Variants in HIRA observed in about 807,000 individuals in gnomAD.
HIRA encodes the protein histone cell cycle regulator.
In HIRA, 13 loss-of-function variants were observed where a neutral mutation model predicts 126.6. The ratio of observed to expected loss-of-function variants is 0.10; its 90% CI spans 0.07 to 0.16. The LOEUF (loss-of-function observed/expected upper bound fraction) is 0.16. Ranked by LOEUF, HIRA falls within the 10% of genes least tolerant of loss-of-function variation. HIRA has a pLI of 1.00. For missense variants in HIRA, 834 were observed against 1,314.4 expected (o/e 0.63, Z 5.65); for synonymous variants, 511 against 520.0 (o/e 0.98, Z 0.24).
At position 19,356,935 on chromosome 22, in the gene HIRA, C is replaced by G. The variant is rs782605496; in HGVS notation, c.2351G>C (p.Gly784Ala). Residue 784 changes from glycine (G) to alanine (A), a missense_variant, in exon 19 of 25, where the codon GGC becomes GCC. By Grantham distance (60) the Gly-to-Ala change is moderately conservative (BLOSUM62 0). Coordinates refer to ENST00000263208, the MANE Select transcript of HIRA (RefSeq NM_003325.4). ...PSPISTLHCT[G>A]SYVMALTAAA... ...AGCGGTGAGCGCCATGACGTAGGAG[C>G]CTGTGCAATGCAAAGTAGAGATCGG... The G allele has an allele frequency of 2.5e-6, 4 of 1,613,856 alleles. No individual in the cohort carries two copies. In the South Asian group the frequency reaches 3.3e-5, roughly 13 times the overall value.
chr22:19,365,927 G>C (rs1216060976), intron 15 of HIRA: 1 of 152,268 alleles, frequency 6.6e-6, no homozygotes, highest in Non-Finnish European at 1.5e-5. Context: ...CTAAGGAGAG[G>C]TGAACTGCCC....
At chr22:19,332,065 C>T (rs1437596516) in intron 24 of HIRA, among the ~76,000 whole-genome samples, 1 of 152,214 alleles carries the variant, frequency 6.6e-6, no homozygotes, top group Non-Finnish European at 1.5e-5. Context: ...GCTGACCAAA[C>T]TATGCTTAGT....
At chr22:19,341,137 G>C (rs1411384837) in intron 24 of HIRA, among the ~76,000 whole-genome samples, 1 of 151,770 alleles carries the variant, frequency 6.6e-6, no homozygotes, top group East Asian at 1.9e-4. Flanking sequence ...GCAACATGGC[G>C]AAACTCTGTC....
intron 1 of HIRA, among the ~76,000 whole-genome samples, chr22:19,418,586 C>T (rs1187250084): frequency 2.4e-5 from 2 of 83,838 alleles, no homozygotes; most frequent in African/African-American, 5.4e-5. Context: ...GAGCCGAGAT[C>T]GCGCCTGTTC....
chr22:19,405,150 C>T (rs934599230), intron 5 of HIRA, among the ~76,000 whole-genome samples: 1 of 152,174 alleles, frequency 6.6e-6, no homozygotes, highest in African/African-American at 2.4e-5. Context: ...GGTGAAATGC[C>T]TCCAAATCCC....
At chr22:19,404,877 C>A (rs1340659428) in intron 5 of HIRA, among the ~76,000 whole-genome samples, 1 of 152,150 alleles carries the variant, frequency 6.6e-6, no homozygotes, top group African/African-American at 2.4e-5. Flanking sequence ...CCAAATCAAT[C>A]TCCTCTTCTC....
chr22:19,368,331 T>C (rs1462961540), intron 15 of HIRA, among the ~76,000 whole-genome samples: 1 of 152,210 alleles, frequency 6.6e-6, no homozygotes, highest in Non-Finnish European at 1.5e-5. Flanking sequence ...TCTGTTCCCC[T>C]TTCTTCTAAT....
intron 6 of HIRA, among the ~76,000 whole-genome samples, chr22:19,397,248 T>C (rs1046643474): frequency 6.6e-6 from 1 of 152,212 alleles, no homozygotes; most frequent in Non-Finnish European, 1.5e-5. Flanking sequence ...ACTTCTGACG[T>C]TAGCCTCCCT....
At chr22:19,372,447 T>C (rs2088975020) in intron 15 of HIRA, among the ~76,000 whole-genome samples, 1 of 152,240 alleles carries the variant, frequency 6.6e-6, no homozygotes, top group South Asian at 2.1e-4. Flanking sequence ...TATTGTTGAA[T>C]TGTAAAAGTT....
intron 1 of HIRA, among the ~76,000 whole-genome samples, chr22:19,414,537 A>G (rs1440035164): frequency 6.6e-6 from 1 of 152,196 alleles, no homozygotes; most frequent in Non-Finnish European, 1.5e-5. Flanking sequence ...TGACTGGAAC[A>G]CATGTGCATA....
intron 1 of HIRA, among the ~76,000 whole-genome samples, chr22:19,411,019 T>G (rs566745278): frequency 3.3e-4 from 50 of 152,340 alleles, no homozygotes; most frequent in African/African-American, 1.2e-3. Context: ...GAGCTGTTCA[T>G]GATTGAAGTT....
chr22:19,359,195 G>A, intron 18 of HIRA, 141 bp downstream of exon 18: 2 of 824,118 alleles, frequency 2.4e-6, no homozygotes, highest in African/African-American at 1.8e-5. Context: ...CATATGCTTG[G>A]CCTGGAGTGA....
intron 5 of HIRA, among the ~76,000 whole-genome samples, chr22:19,402,131 C>T (rs2089273904): frequency 6.6e-6 from 1 of 152,238 alleles, no homozygotes; most frequent in South Asian, 2.1e-4. Context: ...CAGGACTCTG[C>T]CTTCTAGGCT....
At chr22:19,388,754 G>T (rs2089150265) in intron 9 of HIRA, among the ~76,000 whole-genome samples, 200 bp from the exon 10 acceptor site, 1 of 152,220 alleles carries the variant, frequency 6.6e-6, no homozygotes, top group South Asian at 2.1e-4. Flanking sequence ...ATGCTACCTA[G>T]AGTGGACCCT....
chr22:19,333,280 A>C (rs1236560761), intron 24 of HIRA, among the ~76,000 whole-genome samples: 4 of 152,236 alleles, frequency 2.6e-5, no homozygotes, highest in African/African-American at 9.6e-5. Flanking sequence ...GAAAGCTTAA[A>C]GAAATAATAT....
chr22:19,374,391 G>C (rs144256930), intron 15 of HIRA, among the ~76,000 whole-genome samples: 1 of 152,096 alleles, frequency 6.6e-6, no homozygotes, highest in Admixed American at 6.5e-5. Context: ...GGCCTCAAGC[G>C]ATCCTCCTGT....
At position 19,370,723 on chromosome 22, in the gene HIRA, C is replaced by T. The variant is rs141043629; in HGVS notation, c.1775+4908G>A. On this transcript the variant is annotated intron_variant, in intron 15 of 24. Coordinates refer to ENST00000263208, the MANE Select transcript of HIRA (RefSeq NM_003325.4). ...TCCAACCCAACCTGAGAATTCAGCA[C>T]CAGGCTCCTAGAAGCTCACTATACT... Among the ~76,000 whole-genome samples the T allele has an allele frequency of 2.7e-3, 411 of 152,326 alleles. 1 individual carries two copies. Among genetic ancestry groups the T allele is most frequent in the Non-Finnish European group, 3.6e-3 (248 of 68,032 alleles).
intron 21 of HIRA, 40 bp from the exon 22 acceptor site, chr22:19,354,158 A>G: frequency 1.3e-6 from 2 of 1,599,438 alleles, no homozygotes; most frequent in Non-Finnish European, 8.5e-7. Context: ...AGGAAAACCA[A>G]GAGATCTGGT....
At chr22:19,389,956 C>A (rs1447527414) in intron 9 of HIRA, among the ~76,000 whole-genome samples, 1 of 151,726 alleles carries the variant, frequency 6.6e-6, no homozygotes, top group Non-Finnish European at 1.5e-5. Flanking sequence ...CCCAGAACTT[C>A]CAACTTGCTC....
Sources: allele counts gnomAD v4.1 joint callset (sites outside exome capture counted in the v4.1 genomes callset), GRCh38; gene constraint gnomAD v4.1.1; transcripts MANE v1.5; gene names NCBI Gene and HGNC (gene_info 2026-07-23, HGNC 2026-07-21).